The following UBAC2 variants were observed in gnomAD, a reference collection of about 807,000 sequenced individuals.
The protein encoded by UBAC2 is ubiquitin-associated domain-containing protein 2.
In UBAC2, 26 loss-of-function variants were observed where a neutral mutation model predicts 44.0. The observed-to-expected ratio is 0.59, with a 90% CI of 0.43 to 0.82. The LOEUF is 0.82. UBAC2 is among the 40% of genes least tolerant of loss of function. The probability of loss-of-function intolerance (pLI) is 0.00; values close to 1 mark genes in which losing one functional copy is unlikely to be tolerated. For missense variants in UBAC2, 329 were observed against 419.4 expected (o/e 0.78, Z 1.88); for synonymous variants, 155 against 154.3 (o/e 1.00, Z -0.04).
intron 6 of UBAC2, among the ~76,000 whole-genome samples, chr13:99,329,300 A>T: frequency 6.6e-6 from 1 of 152,148 alleles, no homozygotes; most frequent in East Asian, 1.9e-4. Flanking sequence ...TATACACTCT[A>T]CAATCAGCCT....
intron 4 of UBAC2, among the ~76,000 whole-genome samples, chr13:99,299,668 GT>G (rs2138727469): frequency 6.6e-6 from 1 of 152,128 alleles, no homozygotes; most frequent in African/African-American, 2.4e-5. Context: ...TAAAAACCTT[GT>G]TATCTGACAT....
intron 1 of UBAC2, chr13:99,201,582 A>AT: frequency 6.2e-7 from 1 of 1,613,246 alleles, no homozygotes; most frequent in Non-Finnish European, 8.5e-7. Flanking sequence ...GGGGCGGAGT[A>AT]TTTTTACAGC....
At chr13:99,314,064 A>G (rs2044451199) in intron 4 of UBAC2, 33 bp from the exon 5 acceptor site, 4 of 1,587,700 alleles carry the variant, frequency 2.5e-6, no homozygotes, top group East Asian at 2.2e-5. Context: ...AAAATTCACT[A>G]TTATAGTGAT....
At chr13:99,256,727 T>C (rs1487748913) in intron 4 of UBAC2, among the ~76,000 whole-genome samples, 2 of 141,214 alleles carry the variant, frequency 1.4e-5, no homozygotes, top group Non-Finnish European at 1.5e-5. Flanking sequence ...AAAAAAACCG[T>C]CCATTTTAAA....
chr13:99,325,188 C>T (rs527953399), intron 6 of UBAC2, among the ~76,000 whole-genome samples: 7 of 150,466 alleles, frequency 4.7e-5, no homozygotes, highest in African/African-American at 1.7e-4. Context: ...CCGCAAGCTC[C>T]ACCTCCCGGG....
In UBAC2 at chr13:99,292,808, A is replaced by G. The variant is rs2138710950; in HGVS notation, c.390-21289A>G. Among the ~76,000 whole-genome samples, 3 of 151,990 alleles carry G rather than the reference A, an allele frequency of 2.0e-5. No individual in the cohort carries two copies. In the South Asian group the frequency reaches 6.2e-4, roughly 32 times the overall value. On this transcript the variant is annotated intron_variant, in intron 4 of 8. Coordinates refer to ENST00000403766, the MANE Select transcript of UBAC2 (RefSeq NM_001144072.2). Reference sequence around the variant, plus strand: ...CTCCCAATTATTATTTAAAATTGTTAATAATGTATCACCCGATTCATGGAG... The same window carrying G: ...CTCCCAATTATTATTTAAAATTGTTGATAATGTATCACCCGATTCATGGAG...
chr13:99,255,452 C>T (rs755502855), intron 4 of UBAC2: 17 of 1,614,054 alleles, frequency 1.1e-5, no homozygotes, highest in Non-Finnish European at 1.4e-5. Context: ...CCCACACACG[C>T]CAGCACGGCT....
chr13:99,379,771 T>TA (rs2045526389), intron 8 of UBAC2, among the ~76,000 whole-genome samples: 1 of 152,254 alleles, frequency 6.6e-6, no homozygotes, highest in Non-Finnish European at 1.5e-5. Context: ...GTTTCACACT[T>TA]ACACTGCTCT....
intron 1 of UBAC2, chr13:99,201,410 G>A (rs1300232360): frequency 3.1e-6 from 5 of 1,610,946 alleles, no homozygotes; most frequent in Admixed American, 1.7e-5. Flanking sequence ...AGTTTCACTT[G>A]GATGTGTTTC....
At chr13:99,298,649 A>G (rs1241932602) in intron 4 of UBAC2, among the ~76,000 whole-genome samples, 2 of 152,210 alleles carry the variant, frequency 1.3e-5, no homozygotes, top group African/African-American at 4.8e-5. Context: ...TTAATGAAAT[A>G]TAAAAGACAA....
intron 4 of UBAC2, among the ~76,000 whole-genome samples, chr13:99,272,667 A>G (rs1566479798): frequency 6.6e-6 from 1 of 152,136 alleles, no homozygotes; most frequent in Non-Finnish European, 1.5e-5. Flanking sequence ...GAGAGAGCTC[A>G]CTTTGGTCTC....
chr13:99,274,778 C>T lies in UBAC2; in HGVS notation c.389+30154C>T, dbSNP rs1009352539. ...TTGCCCAGGCTGGAGTGTGGTGGCA[C>T]GCAGTCATGGTTCACTGCAGCCTCA... On this transcript the variant is annotated intron_variant, in intron 4 of 8. Coordinates refer to ENST00000403766, the MANE Select transcript of UBAC2 (RefSeq NM_001144072.2). 8.0e-5 allele frequency among the ~76,000 whole-genome samples: 12 copies of T among 150,802 alleles called. No individual in the cohort carries two copies. In the South Asian group the frequency reaches 1.0e-3, roughly 13 times the overall value.
At chr13:99,215,654 TTGA>T (rs2042984013) in intron 1 of UBAC2, 30 of 1,395,870 alleles carry the variant, frequency 2.1e-5, no homozygotes, top group Non-Finnish European at 2.5e-5. Context: ...ATTTCAGGTG[TTGA>T]TGAATACAGC....
At chr13:99,261,319 C>T (rs2043657796) in intron 4 of UBAC2, among the ~76,000 whole-genome samples, 1 of 152,298 alleles carries the variant, frequency 6.6e-6, no homozygotes, top group African/African-American at 2.4e-5. Flanking sequence ...CCTTTGTCCC[C>T]TCCTTTCTGT....
chr13:99,357,515 A>C (rs1357848227), intron 7 of UBAC2, among the ~76,000 whole-genome samples: 5 of 152,238 alleles, frequency 3.3e-5, no homozygotes, highest in Non-Finnish European at 5.9e-5. Flanking sequence ...CGCACTACGC[A>C]TAGAAGGCAA....
chr13:99,371,988 G>A (rs983154014), intron 8 of UBAC2, among the ~76,000 whole-genome samples: 11 of 152,280 alleles, frequency 7.2e-5, no homozygotes, highest in South Asian at 2.1e-4. Context: ...ATCCACTCCC[G>A]TTTTTTGGTG....
At chr13:99,314,930 A>G (rs1458730691) in intron 5 of UBAC2, 1 of 152,218 alleles carries the variant, frequency 6.6e-6, no homozygotes, top group Non-Finnish European at 1.5e-5. Context: ...GTTTTATTCT[A>G]CAGCTTCCTG....
intron 1 of UBAC2, chr13:99,201,140 G>T: frequency 7.3e-7 from 1 of 1,368,296 alleles, no homozygotes; most frequent in Non-Finnish European, 9.5e-7. Flanking sequence ...GGGCGAATGG[G>T]GACAAAGCCC....
chr13:99,206,807 C>T (rs2142642456), intron 1 of UBAC2, among the ~76,000 whole-genome samples: 1 of 152,352 alleles, frequency 6.6e-6, no homozygotes, highest in Non-Finnish European at 1.5e-5. Context: ...AGGCTATTCT[C>T]AGTCTCTCCC....
Sources: gnomAD v4.1 joint callset for allele counts (sites outside exome capture counted in the v4.1 genomes callset) on GRCh38, gnomAD v4.1.1 for gene constraint, MANE v1.5 for transcripts, NCBI Gene and HGNC (gene_info 2026-07-23, HGNC 2026-07-21) for gene names.